The following ZNF708 variants were observed in gnomAD, a reference collection of about 807,000 sequenced individuals.
The protein encoded by ZNF708 is zinc finger protein 708, also known as ZNF15, ZNF15L1.
ZNF708 carries 44 observed loss-of-function variants against 47.0 expected under a neutral mutation model. The ratio of observed to expected loss-of-function variants is 0.94; its 90% CI spans 0.74 to 1.20. The LOEUF (loss-of-function observed/expected upper bound fraction) is 1.20. Ranked by LOEUF, ZNF708 falls within the 50% of genes most tolerant of loss-of-function variation. The probability of loss-of-function intolerance (pLI) is 0.00; values close to 1 mark genes in which losing one functional copy is unlikely to be tolerated. For missense variants in ZNF708, 557 were observed against 656.0 expected (o/e 0.85, Z 1.65); for synonymous variants, 184 against 218.5 (o/e 0.84, Z 1.39).
intron 3 of ZNF708, among the ~76,000 whole-genome samples, chr19:21,295,976 G>C (rs1441503116): frequency 6.6e-6 from 1 of 151,866 alleles, no homozygotes; most frequent in African/African-American, 2.4e-5. Context: ...GAAAAATGAG[G>C]ATAACAATAA....
chr19:21,305,333 G>C (rs1334319961), intron 3 of ZNF708, among the ~76,000 whole-genome samples: 2 of 151,352 alleles, frequency 1.3e-5, no homozygotes, highest in Non-Finnish European at 2.9e-5. Flanking sequence ...TCTTGCTCCA[G>C]GGTCAAAAAA....
At chr19:21,328,501 T>C (rs1449634152) in intron 1 of ZNF708, among the ~76,000 whole-genome samples, 2 of 152,100 alleles carry the variant, frequency 1.3e-5, no homozygotes, top group Non-Finnish European at 2.9e-5. Context: ...GGAGGTACAC[T>C]TGAGACCCCG....
intron 3 of ZNF708, among the ~76,000 whole-genome samples, chr19:21,297,168 T>C (rs779291834): frequency 4.1e-5 from 6 of 145,834 alleles, no homozygotes; most frequent in Non-Finnish European, 9.0e-5. Flanking sequence ...AAAAAATATA[T>C]ATGTATATAA....
In ZNF708 at chr19:21,309,336, C is replaced by T. The variant is rs1211970393; in HGVS notation, c.136G>A (p.Ala46Thr). 1 of 1,583,280 alleles carries T rather than the reference C, an allele frequency of 6.3e-7. No homozygotes were observed. The change falls in exon 3 of 4, where the codon GCT becomes ACT. Residue 46 changes from alanine (A) to threonine (T), a missense_variant. Ala to Thr is a moderately conservative substitution (Grantham distance 58). Coordinates refer to ENST00000356929, the MANE Select transcript of ZNF708 (RefSeq NM_021269.3). ...NYRNLVFLGIAVSNLDLITCL... is the reference protein window; with the variant it reads ...NYRNLVFLGITVSNLDLITCL... ...GTGATCAGGTCTAAATTAGACACAG[C>T]AATACCTGTTTTATTAAAAATAAAT...
intron 1 of ZNF708, among the ~76,000 whole-genome samples, chr19:21,319,726 T>C (rs1973089772): frequency 6.6e-6 from 1 of 152,060 alleles, no homozygotes; most frequent in Non-Finnish European, 1.5e-5. Flanking sequence ...CACTAATTAT[T>C]AGAAAAATGT....
chr19:21,303,415 G>A (rs1373716377), intron 3 of ZNF708, among the ~76,000 whole-genome samples: 1 of 152,068 alleles, frequency 6.6e-6, no homozygotes. Context: ...TTAGATGGGT[G>A]TGGTGGCACA....
chr19:21,308,305 G>C (rs978275244), intron 3 of ZNF708, among the ~76,000 whole-genome samples: 13 of 145,970 alleles, frequency 8.9e-5, no homozygotes, highest in African/African-American at 3.3e-4. Context: ...TTGAGATTGA[G>C]TTTCACTCTT....
At chr19:21,302,683 A>G (rs1972684109) in intron 3 of ZNF708, among the ~76,000 whole-genome samples, 1 of 152,120 alleles carries the variant, frequency 6.6e-6, no homozygotes, top group Non-Finnish European at 1.5e-5. Flanking sequence ...TGGGTGACAG[A>G]GCAAGACTGT....
At position 21,293,054 on chromosome 19, in the gene ZNF708, A is replaced by C; in HGVS notation, c.*220T>G. ...AGCTTTGTAGTTTCTCTCCAGTTTA[A>C]GTTTTTTTATGTTTAGTAAGATTTA... On this transcript the variant is annotated 3_prime_UTR_variant, in exon 4 of 4. Coordinates refer to ENST00000356929, the MANE Select transcript of ZNF708 (RefSeq NM_021269.3). 1.8e-6 allele frequency: 1 copy of C among 570,850 alleles called. No individual in the cohort carries two copies. The highest frequency in any genetic ancestry group is 3.0e-6 in the Non-Finnish European group (1 of 338,754). 35.4% of individuals were successfully genotyped at this position (570,850 alleles called of 1,614,324 possible). A position where few individuals can be genotyped will look rare whatever the true frequency, so the allele number is the denominator to read the frequency against.
intron 1 of ZNF708, among the ~76,000 whole-genome samples, chr19:21,321,460 C>T (rs554300690): frequency 6.6e-6 from 1 of 152,048 alleles, no homozygotes; most frequent in East Asian, 2.0e-4. Context: ...TGGTGATACA[C>T]AGCTCTAATC....
chr19:21,318,618 A>G (rs2145181183), intron 1 of ZNF708: 2 of 152,312 alleles, frequency 1.3e-5, no homozygotes, highest in Middle Eastern at 3.4e-3. Flanking sequence ...TCTCAGCAGA[A>G]TTTTATAAGG....
chr19:21,293,247 T>C lies in ZNF708; in HGVS notation c.*27A>G. The C allele has an allele frequency of 6.3e-7, 1 of 1,582,332 alleles. No individual in the cohort carries two copies. On this transcript the variant is annotated 3_prime_UTR_variant, in exon 4 of 4. Coordinates refer to ENST00000356929, the MANE Select transcript of ZNF708 (RefSeq NM_021269.3). ...AATTATCTTGTGTTTTAATAAAAGT[T>C]GAAAATACACTAAAGGATTTGACAC...
chr19:21,319,513 G>A (rs1363087801), intron 1 of ZNF708, among the ~76,000 whole-genome samples: 2 of 151,900 alleles, frequency 1.3e-5, no homozygotes, highest in South Asian at 2.1e-4. Context: ...GAGAGGAATG[G>A]TGTGATCTTG....
At position 21,294,728 on chromosome 19, in the gene ZNF708, G is replaced by A. The variant is rs527566232; in HGVS notation, c.238C>T (p.His80Tyr). The A allele has an allele frequency of 6.3e-6, 10 of 1,586,092 alleles. No individual in the cohort carries two copies. The Admixed American group carries it at 1.1e-4, about 18-fold the overall frequency. The change falls in exon 4 of 4, where the codon CAT (histidine) becomes TAT (tyrosine). Residue 80 changes from histidine to tyrosine, a missense_variant. His to Tyr is a moderately conservative substitution (Grantham distance 83). Transcript: ENST00000356929. ...TCTGGCCTAAGGTCTTTGGCAAAAT[G>A]AGAACACATAGCTGAAAGAAATAAA... is the stretch of plus-strand genomic sequence containing the variant. ...MAAKPPAMCSHFAKDLRPEQY... is the reference protein window; with the variant it reads ...MAAKPPAMCSYFAKDLRPEQY...
intron 1 of ZNF708, among the ~76,000 whole-genome samples, chr19:21,316,141 T>C (rs1973004045): frequency 6.7e-6 from 1 of 148,420 alleles, no homozygotes; most frequent in African/African-American, 2.5e-5. Flanking sequence ...TTCTTTTTTT[T>C]TTTTTTTTTG....
At chr19:21,312,554 G>C (rs540939689) in intron 1 of ZNF708, among the ~76,000 whole-genome samples, 4 of 152,308 alleles carry the variant, frequency 2.6e-5, no homozygotes, top group African/African-American at 7.2e-5. Flanking sequence ...CTGCAAACTG[G>C]CTGTGTAATC....
At chr19:21,310,969 T>C (rs1568351229) in intron 1 of ZNF708, among the ~76,000 whole-genome samples, 1 of 152,192 alleles carries the variant, frequency 6.6e-6, no homozygotes, top group Non-Finnish European at 1.5e-5. Context: ...GGAAAAGACA[T>C]GTTGAGTTAG....
chr19:21,293,515 C>G lies in ZNF708; in HGVS notation c.1451G>C (p.Ser484Thr), dbSNP rs773306265. The G allele has an allele frequency of 1.2e-6, 2 of 1,610,002 alleles. No homozygotes were observed. The highest frequency in any genetic ancestry group is 1.7e-6 in the Non-Finnish European group (2 of 1,178,880). Residue 484 changes from serine to threonine, a missense_variant, in exon 4 of 4, where the codon AGC becomes ACC. By Grantham distance (58) the Ser-to-Thr change is moderately conservative. Transcript: ENST00000356929. Reference protein sequence around the residue: ...KPYKCEECGKSFILSSHLTTH... With the variant: ...KPYKCEECGKTFILSSHLTTH... ...AGTAAGATGAGAGGACAGAATAAAG[C>G]TTTTGCCACATTCTTCACACTTATA...
chr19:21,325,741 T>C (rs113458624), intron 1 of ZNF708, among the ~76,000 whole-genome samples: 2 of 152,248 alleles, frequency 1.3e-5, no homozygotes, highest in African/African-American at 4.8e-5. Context: ...TAAATAGTTT[T>C]TACACGGCAA....
Sources: allele counts gnomAD v4.1 joint callset (sites outside exome capture counted in the v4.1 genomes callset), GRCh38; gene constraint gnomAD v4.1.1; transcripts MANE v1.5; gene names NCBI Gene and HGNC (gene_info 2026-07-23, HGNC 2026-07-21).